The following PREPL variants were observed in gnomAD, a reference collection of about 807,000 sequenced individuals.
PREPL encodes prolyl endopeptidase-like.
Under a neutral mutation model 70.6 loss-of-function variants are expected in PREPL, and 77 were observed. The observed-to-expected ratio is 1.09, with a 90% CI of 0.91 to 1.32. PREPL has a LOEUF of 1.32. Among genes scored for constraint, PREPL ranks in the 40% most tolerant of loss-of-function variants. PREPL has a pLI of 0.00. For missense variants in PREPL, 1,002 were observed against 778.2 expected, an observed-to-expected ratio of 1.29 and a Z score of -3.42; for synonymous variants, 315 against 264.8, an observed-to-expected ratio of 1.19 and a Z score of -1.84.
chr2:44,349,860 G>C (rs1315552563), intron 1 of PREPL, among the ~76,000 whole-genome samples: 1 of 151,844 alleles, frequency 6.6e-6, no homozygotes, highest in Admixed American at 6.6e-5. Flanking sequence ...AAATGAAATG[G>C]GTAATTTTCC....
chr2:44,322,671 C>A (rs1034296807), intron 12 of PREPL, 60 bp downstream of exon 12: 1 of 1,558,580 alleles, frequency 6.4e-7, no homozygotes, highest in East Asian at 2.2e-5. Flanking sequence ...TTCCTCTGAG[C>A]AGTGTGCTGT....
chr2:44,321,396 GT>G lies in PREPL; in HGVS notation c.1876del (p.Thr626ProfsTer11). 1.2e-6 allele frequency: 2 copies of G among 1,612,766 alleles called. No individual in the cohort carries two copies. The highest frequency in any genetic ancestry group is 1.7e-6 in the Non-Finnish European group (2 of 1,179,046). ...TTTCTTAAGATCCTCGAAAACACTG[GT>G]GCTGTCAAGTCCAAGTTCCTCGTAC... ...FLYEELGLDS[T>X]SVFEDLKKYL... On this transcript the variant is annotated frameshift_variant, in exon 14 of 14. Transcript: ENST00000409411. LOFTEE classifies it high-confidence loss of function.
intron 1 of PREPL, among the ~76,000 whole-genome samples, chr2:44,355,368 G>C (rs189096727): frequency 5.3e-5 from 8 of 152,156 alleles, no homozygotes; most frequent in Non-Finnish European, 1.0e-4. Flanking sequence ...CCAACATGGC[G>C]AAACCCTGTC....
At position 44,320,017 on chromosome 2, in the gene PREPL, C is replaced by A. The variant is rs1457647934; in HGVS notation, c.*1339G>T. 3.3e-6 allele frequency: 2 copies of A among 602,306 alleles called. No homozygotes were observed. Among genetic ancestry groups the A allele is most frequent in the Non-Finnish European group, 5.8e-6 (2 of 343,308 alleles). The allele number at this position is 602,306 out of a possible 1,614,324, so 37.3% of individuals were successfully genotyped here. Reference sequence around the variant, plus strand: ...AGACAAGCCGAAACCCCGAATTTGTCATTTCTATCAGTTTTTATATAAATT... The same window carrying A: ...AGACAAGCCGAAACCCCGAATTTGTAATTTCTATCAGTTTTTATATAAATT... On this transcript the variant is annotated 3_prime_UTR_variant, in exon 14 of 14. Coordinates refer to ENST00000409411, the MANE Select transcript of PREPL (RefSeq NM_001171613.2).
Position 44,319,659 on chromosome 2 carries a change from G to A in PREPL, c.*1697C>T, listed in dbSNP as rs1448383518. 1 of 152,696 alleles carries A rather than the reference G, an allele frequency of 6.5e-6. No homozygotes were observed. The highest frequency in any genetic ancestry group is 1.5e-5 in the Non-Finnish European group (1 of 68,580). 9.5% of individuals were successfully genotyped at this position (152,696 alleles called of 1,614,324 possible). Reference sequence around the variant, plus strand: ...TCTACAATTTCTAACTTTCACCTTAGGCAGCTTTTTATTTTGCATCCTTTT... The same window carrying A: ...TCTACAATTTCTAACTTTCACCTTAAGCAGCTTTTTATTTTGCATCCTTTT... On this transcript the variant is annotated 3_prime_UTR_variant, in exon 14 of 14. Transcript: ENST00000409411.
At chr2:44,353,064 T>A (rs1048502765) in intron 1 of PREPL, among the ~76,000 whole-genome samples, 1 of 151,500 alleles carries the variant, frequency 6.6e-6, no homozygotes, top group Non-Finnish European at 1.5e-5. Context: ...CTGGGCAACA[T>A]AGCAAGACTC....
At chr2:44,359,800 C>A in intron 1 of PREPL, 1 of 911,972 alleles carries the variant, frequency 1.1e-6, no homozygotes, top group South Asian at 1.5e-5. Flanking sequence ...GTAGTGGGTT[C>A]TCAGAGTAAC....
chr2:44,328,695 A>T (rs1673783812), intron 9 of PREPL, among the ~76,000 whole-genome samples: 1 of 152,200 alleles, frequency 6.6e-6, no homozygotes, highest in African/African-American at 2.4e-5. Context: ...GGAAATAATA[A>T]TATTACTAAA....
intron 1 of PREPL, among the ~76,000 whole-genome samples, chr2:44,356,873 AACCTCACTGCAGCCTCG>A (rs148688804): frequency 0.036 from 5,512 of 151,648 alleles, 148 homozygotes; most frequent in South Asian, 0.072. Flanking sequence ...ACTGTGCCTC[AACCTCACTGCAGCCTCG>A]ACCTCCCAGG....
chr2:44,340,982 T>C (rs1237332118), intron 5 of PREPL, among the ~76,000 whole-genome samples: 1 of 152,006 alleles, frequency 6.6e-6, no homozygotes, highest in Non-Finnish European at 1.5e-5. Flanking sequence ...TGAAAACACT[T>C]TCCTCCATTT....
chr2:44,350,508 T>C (rs1349584151), intron 1 of PREPL, among the ~76,000 whole-genome samples: 1 of 150,116 alleles, frequency 6.7e-6, no homozygotes, highest in Non-Finnish European at 1.5e-5. Context: ...CTGAAATTAA[T>C]TCATATTAGC....
chr2:44,325,643 T>A (rs1376636429), intron 10 of PREPL, among the ~76,000 whole-genome samples: 1 of 152,116 alleles, frequency 6.6e-6, no homozygotes, highest in African/African-American at 2.4e-5. Flanking sequence ...GTCTTTAAAC[T>A]GTAAATAATT....
chr2:44,320,609 T>G lies in PREPL; in HGVS notation c.*747A>C. ...TTTCCAATCGAGCATGCTATTCCAG[T>G]GTACTGAACATACTGTATACCTCGT... On this transcript the variant is annotated 3_prime_UTR_variant, in exon 14 of 14. Coordinates refer to ENST00000409411, the MANE Select transcript of PREPL (RefSeq NM_001171613.2). 1 of 1,613,998 alleles carries G rather than the reference T, an allele frequency of 6.2e-7. No homozygotes were observed. Among genetic ancestry groups the G allele is most frequent in the African/African-American group, 1.3e-5 (1 of 75,028 alleles).
chr2:44,344,513 G>C lies in PREPL; in HGVS notation c.142+7C>G, dbSNP rs1010169493. ...TAGAGCACGTAAAAAGAAAAATTGT[G>C]GTGTACCTTCTTCATCTTTGGAACG... is the stretch of plus-strand genomic sequence containing the variant. On this transcript the variant is annotated splice_region_variant and intron_variant, in intron 3 of 13. Coordinates refer to ENST00000409411, the MANE Select transcript of PREPL (RefSeq NM_001171613.2). 10 of 1,565,894 alleles carry C rather than the reference G, an allele frequency of 6.4e-6. No individual in the cohort carries two copies. The African/African-American group carries it at 8.2e-5, about 13-fold the overall frequency.
chr2:44,339,328 C>G lies in PREPL; in HGVS notation c.521G>C (p.Arg174Pro), dbSNP rs145964404. ...FVFLYLTKDSRFLTINIMNKT... is the reference protein window; with the variant it reads ...FVFLYLTKDSPFLTINIMNKT... ...GTTCATAATATTTATGGTGAGGAAA[C>G]GACTGTCTTTTGTAAGATAAAGGAA... Residue 174 changes from arginine (R) to proline (P), a missense_variant, in exon 6 of 14, where the codon CGT becomes CCT. Arg to Pro is a moderately radical substitution (Grantham distance 103, BLOSUM62 -2). Transcript: ENST00000409411. The G allele has an allele frequency of 1.1e-5, 17 of 1,613,684 alleles. No homozygotes were observed. The highest frequency in any genetic ancestry group is 1.4e-5 in the Non-Finnish European group (17 of 1,179,944).
chr2:44,356,645 A>G (rs998369965), intron 1 of PREPL, among the ~76,000 whole-genome samples: 2 of 152,184 alleles, frequency 1.3e-5, no homozygotes, highest in Non-Finnish European at 2.9e-5. Flanking sequence ...CGCATTTCTA[A>G]AAAGCTCTCC....
At chr2:44,325,663 T>C (rs1290888415) in intron 10 of PREPL, among the ~76,000 whole-genome samples, 2 of 152,218 alleles carry the variant, frequency 1.3e-5, no homozygotes, top group East Asian at 1.9e-4. Flanking sequence ...TCTGCCATTA[T>C]CTTTGTGCAT....
At chr2:44,336,544 A>G (rs1013254224) in intron 7 of PREPL, among the ~76,000 whole-genome samples, 9 of 152,136 alleles carry the variant, frequency 5.9e-5, no homozygotes, top group African/African-American at 2.2e-4. Flanking sequence ...TGAGGGTTGA[A>G]GGAGGGTGAG....
In PREPL at chr2:44,346,390, C is replaced by A. The variant is rs373293790; in HGVS notation, c.-48G>T. On this transcript the variant is annotated splice_region_variant and 5_prime_UTR_variant, in exon 2 of 14. Transcript: ENST00000409411. ...TTTTCTTGTTTAACAGGCTGAAGAT[C>A]CTGGAAAAAGTTTTGTTATGATCAA... is the stretch of plus-strand genomic sequence containing the variant. 1.2e-6 allele frequency: 2 copies of A among 1,609,136 alleles called. No individual in the cohort carries two copies. Among genetic ancestry groups the A allele is most frequent in the South Asian group, 2.2e-5 (2 of 89,964 alleles).
Sources: allele counts gnomAD v4.1 joint callset (sites outside exome capture counted in the v4.1 genomes callset), GRCh38; gene constraint gnomAD v4.1.1; transcripts MANE v1.5; gene names NCBI Gene and HGNC (gene_info 2026-07-23, HGNC 2026-07-21).